NUP155: variants seen among roughly 807,000 people sequenced by gnomAD.
NUP155 encodes the protein nucleoporin 155.
In NUP155, 71 loss-of-function variants were observed where a neutral mutation model predicts 180.4. The ratio of observed to expected loss-of-function variants is 0.39; its 90% CI spans 0.33 to 0.48. The LOEUF (loss-of-function observed/expected upper bound fraction) is 0.48, where lower values mean the gene tolerates loss of function less well. Ranked by LOEUF, NUP155 falls within the 20% of genes least tolerant of loss-of-function variation. NUP155 has a pLI of 0.91. For synonymous variants in NUP155, 582 were observed against 559.5 expected (o/e 1.04, Z -0.57); for missense variants, 1,553 against 1,648.9 (o/e 0.94, Z 1.01).
chr5:37,310,628 G>A lies in NUP155; in HGVS notation c.2552C>T (p.Ala851Val), dbSNP rs201980453. 2 of 1,613,210 alleles carry A rather than the reference G, an allele frequency of 1.2e-6. No homozygotes were observed. Among genetic ancestry groups the A allele is most frequent in the East Asian group, 2.2e-5 (1 of 44,812 alleles). Residue 851 changes from alanine (A) to valine (V), a missense_variant, in exon 23 of 35, where the codon GCT (alanine) becomes GTT (valine). Ala to Val is a moderately conservative substitution (Grantham distance 64, BLOSUM62 0). Coordinates refer to ENST00000231498, the MANE Select transcript of NUP155 (RefSeq NM_153485.3). ...LINCYIRDNA[A>V]VDGISLHLQD... ...TAAATGTAAACTAATGCCATCAACA[G>A]CGGCATTATCTCTGATGTAGCAGTT...
intron 4 of NUP155, among the ~76,000 whole-genome samples, chr5:37,354,887 T>A (rs1746712500): frequency 6.6e-6 from 1 of 151,286 alleles, no homozygotes; most frequent in African/African-American, 2.4e-5. Flanking sequence ...AGGTCAGGAG[T>A]TCGAGACCAG....
chr5:37,345,203 A>G (rs1481611378), intron 9 of NUP155, among the ~76,000 whole-genome samples: 1 of 151,854 alleles, frequency 6.6e-6, no homozygotes, highest in African/African-American at 2.4e-5. Context: ...TGGACTAAGT[A>G]TATTGTTATG....
At chr5:37,301,132 A>AT (rs1742843012) in intron 30 of NUP155, 7 of 326,282 alleles carry the variant, frequency 2.1e-5, no homozygotes, top group Middle Eastern at 1.1e-3. Context: ...CTTTTTTGCT[A>AT]TTTTTTTGTA....
chr5:37,331,915 A>G (rs1744988837), intron 13 of NUP155, 120 bp from the exon 14 acceptor site: 1 of 704,710 alleles, frequency 1.4e-6, no homozygotes, highest in Admixed American at 2.1e-5. Context: ...CAACAATACA[A>G]AGTAGGCTGG....
intron 27 of NUP155, among the ~76,000 whole-genome samples, chr5:37,304,338 G>A (rs1743034494): frequency 6.9e-6 from 1 of 144,724 alleles, no homozygotes; most frequent in Non-Finnish European, 1.5e-5. Context: ...TTGATTCCTA[G>A]ACATTGAGCT....
chr5:37,327,260 G>A, intron 18 of NUP155: 1 of 281,780 alleles, frequency 3.5e-6, no homozygotes, highest in Non-Finnish European at 6.8e-6. Context: ...CGTGTTAATT[G>A]ATTACTTATC....
chr5:37,356,319 C>T (rs1474522701), intron 4 of NUP155, among the ~76,000 whole-genome samples: 1 of 150,890 alleles, frequency 6.6e-6, no homozygotes, highest in Non-Finnish European at 1.5e-5. Flanking sequence ...ATTTAATTTA[C>T]TCTGAACTCT....
chr5:37,324,190 A>T (rs1744431932), intron 19 of NUP155, 83 bp from the exon 20 acceptor site: 9 of 820,530 alleles, frequency 1.1e-5, no homozygotes, highest in Non-Finnish European at 1.9e-5. Context: ...TTTTGAAATG[A>T]GTATCTCTAT....
intron 3 of NUP155, among the ~76,000 whole-genome samples, chr5:37,360,868 A>G (rs1747167577): frequency 6.6e-6 from 1 of 152,154 alleles, no homozygotes; most frequent in Admixed American, 6.5e-5. Flanking sequence ...AGGGAGATAG[A>G]GACAGAAAGT....
At chr5:37,316,383 G>C (rs1743887136) in intron 21 of NUP155, among the ~76,000 whole-genome samples, 1 of 152,188 alleles carries the variant, frequency 6.6e-6, no homozygotes. Context: ...TCAAGAGACA[G>C]AAAGTAGAAT....
At chr5:37,295,789 A>G (rs1742511059) in intron 32 of NUP155, among the ~76,000 whole-genome samples, 1 of 150,616 alleles carries the variant, frequency 6.6e-6, no homozygotes, top group Non-Finnish European at 1.5e-5. Context: ...CTGTCTGAGA[A>G]GTGAGGAGCC....
Position 37,307,321 on chromosome 5 carries a change from A to G in NUP155, c.2879T>C (p.Val960Ala), listed in dbSNP as rs768980730. The G allele has an allele frequency of 2.5e-6, 4 of 1,614,162 alleles. No homozygotes were observed. The highest frequency in any genetic ancestry group is 1.3e-5 in the African/African-American group (1 of 75,068). Residue 960 changes from valine to alanine, a missense_variant, in exon 25 of 35, where the codon GTT becomes GCT. Coordinates refer to ENST00000231498, the MANE Select transcript of NUP155 (RefSeq NM_153485.3). Reference sequence around the variant, plus strand: ...CCTTTCTTGGAAGGCCTGAAGTCCAACTATGTCTTCTTCTGGTTCTCCATG... The same window carrying G: ...CCTTTCTTGGAAGGCCTGAAGTCCAGCTATGTCTTCTTCTGGTTCTCCATG... ...YKHGEPEEDI[V>A]GLQAFQERLN...
At chr5:37,355,549 A>G (rs115287653) in intron 4 of NUP155, among the ~76,000 whole-genome samples, 6,376 of 135,854 alleles carry the variant, frequency 0.047, 459 homozygotes, top group African/African-American at 0.18. Flanking sequence ...GTGTGTGTGT[A>G]TATATATATA....
At chr5:37,352,896 T>G in intron 4 of NUP155, 67 bp from the exon 5 acceptor site, 1 of 1,099,852 alleles carries the variant, frequency 9.1e-7, no homozygotes, top group Non-Finnish European at 1.4e-6. Flanking sequence ...TAAGCTTTTA[T>G]TACCATTAAA....
chr5:37,329,301 A>G, intron 15 of NUP155, 23 bp from the exon 16 acceptor site: 1 of 1,564,296 alleles, frequency 6.4e-7, no homozygotes, highest in Non-Finnish European at 8.8e-7. Flanking sequence ...CAAGAGGTTG[A>G]GTTTATTCAG....
At chr5:37,325,137 G>GTGAA (rs1162548152) in intron 19 of NUP155, among the ~76,000 whole-genome samples, 1 of 152,158 alleles carries the variant, frequency 6.6e-6, no homozygotes, top group African/African-American at 2.4e-5. Context: ...GGCAACAAGA[G>GTGAA]TGAAACTGTG....
At chr5:37,366,444 T>C (rs943955447) in intron 1 of NUP155, among the ~76,000 whole-genome samples, 3 of 152,228 alleles carry the variant, frequency 2.0e-5, no homozygotes, top group Non-Finnish European at 4.4e-5. Flanking sequence ...ATTATCTTTT[T>C]ATTTTTATTT....
chr5:37,343,897 G>GA (rs1017397453), intron 9 of NUP155, among the ~76,000 whole-genome samples: 1 of 150,918 alleles, frequency 6.6e-6, no homozygotes, highest in Admixed American at 6.6e-5. Flanking sequence ...TCTCAAGGGG[G>GA]AAAAAAAAGG....
chr5:37,338,171 A>C (rs1745469200), intron 11 of NUP155, among the ~76,000 whole-genome samples: 1 of 151,706 alleles, frequency 6.6e-6, no homozygotes, highest in African/African-American at 2.4e-5. Context: ...TACAAAAATT[A>C]GCTGGGCATG....
Sources: gnomAD v4.1 joint callset for allele counts (sites outside exome capture counted in the v4.1 genomes callset) on GRCh38, gnomAD v4.1.1 for gene constraint, MANE v1.5 for transcripts, NCBI Gene and HGNC (gene_info 2026-07-23, HGNC 2026-07-21) for gene names.